IMMP2L: variants seen among roughly 807,000 people sequenced by gnomAD.
IMMP2L encodes the protein mitochondrial inner membrane protease subunit 2.
IMMP2L carries 18 observed loss-of-function variants against 19.3 expected under a neutral mutation model. That is an observed-to-expected ratio of 0.93 (90% CI 0.64 to 1.38). The LOEUF (loss-of-function observed/expected upper bound fraction) is 1.38, where lower values mean the gene tolerates loss of function less well. Ranked by LOEUF, IMMP2L falls within the 40% of genes most tolerant of loss-of-function variation. The pLI is 0.00. For missense variants in IMMP2L, 233 were observed against 218.2 expected, an observed-to-expected ratio of 1.07 and a Z score of -0.43; for synonymous variants, 76 against 73.0, an observed-to-expected ratio of 1.04 and a Z score of -0.21.
At chr7:110,997,837 T>A (rs1823205777) in intron 3 of IMMP2L, among the ~76,000 whole-genome samples, 1 of 152,112 alleles carries the variant, frequency 6.6e-6, no homozygotes, top group Admixed American at 6.6e-5. Flanking sequence ...TAAATAATGA[T>A]CAGTATGAAG....
chr7:111,199,829 C>G (rs888217888), intron 3 of IMMP2L, among the ~76,000 whole-genome samples: 1 of 152,074 alleles, frequency 6.6e-6, no homozygotes, highest in Non-Finnish European at 1.5e-5. Flanking sequence ...AAGTATGCTG[C>G]TAGACATAAA....
chr7:111,301,921 T>TAA (rs59156229), intron 3 of IMMP2L, among the ~76,000 whole-genome samples: 3,382 of 83,026 alleles, frequency 0.041, 118 homozygotes, highest in African/African-American at 0.047. Context: ...TTTCATGCTT[T>TAA]AAAAAAAAAA....
At chr7:110,761,372 T>C (rs1157279763) in intron 5 of IMMP2L, among the ~76,000 whole-genome samples, 5 of 152,146 alleles carry the variant, frequency 3.3e-5, no homozygotes, top group Non-Finnish European at 7.3e-5. Context: ...CAGAAGAATC[T>C]TGAACTCATC....
chr7:110,750,253 A>G (rs1455251982), intron 5 of IMMP2L, among the ~76,000 whole-genome samples: 6 of 130,336 alleles, frequency 4.6e-5, no homozygotes, highest in Non-Finnish European at 8.9e-5. Context: ...ACCAGCTGTA[A>G]GAGTTTTTTT....
intron 3 of IMMP2L, among the ~76,000 whole-genome samples, chr7:111,306,297 A>G (rs1015861337): frequency 6.6e-6 from 1 of 152,266 alleles, no homozygotes; most frequent in East Asian, 1.9e-4. Flanking sequence ...ATGCTAATGT[A>G]AAATGTGAAA....
chr7:111,410,814 G>C (rs1563157850), intron 3 of IMMP2L, among the ~76,000 whole-genome samples: 1 of 151,604 alleles, frequency 6.6e-6, no homozygotes, highest in Non-Finnish European at 1.5e-5. Flanking sequence ...TATCAGTGAA[G>C]CTGGAAACAT....
At chr7:111,167,753 C>G (rs1805987489) in intron 3 of IMMP2L, among the ~76,000 whole-genome samples, 1 of 151,802 alleles carries the variant, frequency 6.6e-6, no homozygotes, top group East Asian at 1.9e-4. Flanking sequence ...AAGAACACAA[C>G]AAGAGCCTGT....
At chr7:110,908,272 A>G (rs957252563) in intron 4 of IMMP2L, among the ~76,000 whole-genome samples, 1 of 152,196 alleles carries the variant, frequency 6.6e-6, no homozygotes, top group Non-Finnish European at 1.5e-5. Flanking sequence ...CAAATTATTT[A>G]TAGTTTAATA....
At chr7:111,071,348 C>T (rs1216383333) in intron 3 of IMMP2L, among the ~76,000 whole-genome samples, 1 of 152,008 alleles carries the variant, frequency 6.6e-6, no homozygotes, top group African/African-American at 2.4e-5. Context: ...AAAAGGTAAA[C>T]ATAGGATTAC....
At chr7:111,040,261 T>C (rs527750312) in intron 3 of IMMP2L, among the ~76,000 whole-genome samples, 16 of 152,318 alleles carry the variant, frequency 1.1e-4, no homozygotes, top group African/African-American at 3.8e-4. Context: ...TTGAAAAGAA[T>C]TTTAGGTTGC....
At chr7:110,670,720 AAAC>A (rs1488710440) in intron 5 of IMMP2L, among the ~76,000 whole-genome samples, 40 of 152,084 alleles carry the variant, frequency 2.6e-4, no homozygotes, top group African/African-American at 9.6e-4. Context: ...AAAACAAAAA[AAAC>A]CCCTAAACAA....
chr7:110,951,491 T>C (rs994674734), intron 4 of IMMP2L, among the ~76,000 whole-genome samples: 2 of 151,962 alleles, frequency 1.3e-5, no homozygotes, highest in Admixed American at 1.3e-4. Context: ...ATAAATTAAA[T>C]GTTCATTGTG....
Position 110,808,947 on chromosome 7 carries a change from T to A in IMMP2L, c.408+77646A>T, listed in dbSNP as rs182589544. ...AAAAGTTTAGGTTTCCTCGGAAATA[T>A]GCTGAAATGGATAAAGCTAAAATCA... is the stretch of plus-strand genomic sequence containing the variant. On this transcript the variant is annotated intron_variant, in intron 5 of 5. Transcript: ENST00000405709. 9.0e-4 allele frequency among the ~76,000 whole-genome samples: 137 copies of A among 152,208 alleles called. 1 individual carries two copies. Among genetic ancestry groups the A allele is most frequent in the African/African-American group, 3.1e-3 (127 of 41,574 alleles).
At chr7:110,814,751 A>G (rs1405132933) in intron 5 of IMMP2L, among the ~76,000 whole-genome samples, 1 of 150,322 alleles carries the variant, frequency 6.7e-6, no homozygotes, top group African/African-American at 2.4e-5. Context: ...TATGAAAGTC[A>G]TTTCTAATAA....
intron 3 of IMMP2L, among the ~76,000 whole-genome samples, chr7:111,026,825 G>A (rs1479223264): frequency 1.3e-5 from 2 of 152,148 alleles, no homozygotes; most frequent in Non-Finnish European, 2.9e-5. Flanking sequence ...AAAGGATTAA[G>A]TAGTTGTATA....
At chr7:111,008,949 T>C (rs541435476) in intron 3 of IMMP2L, among the ~76,000 whole-genome samples, 14 of 152,244 alleles carry the variant, frequency 9.2e-5, no homozygotes, top group Admixed American at 7.9e-4. Flanking sequence ...CATCTCAGTG[T>C]CAGTTATTCA....
At chr7:111,361,576 G>A (rs564745507) in intron 3 of IMMP2L, among the ~76,000 whole-genome samples, 83 of 151,968 alleles carry the variant, frequency 5.5e-4, no homozygotes, top group African/African-American at 1.9e-3. Flanking sequence ...TTGTTCTATC[G>A]AAACTCAACA....
intron 3 of IMMP2L, among the ~76,000 whole-genome samples, chr7:111,266,737 T>C (rs1243903823): frequency 1.3e-5 from 2 of 152,158 alleles, no homozygotes; most frequent in African/African-American, 2.4e-5. Flanking sequence ...TACGGCATTT[T>C]CCTGCCAGAC....
At chr7:110,666,151 A>G (rs749014285) in intron 5 of IMMP2L, among the ~76,000 whole-genome samples, 6 of 152,088 alleles carry the variant, frequency 3.9e-5, no homozygotes, top group Non-Finnish European at 8.8e-5. Context: ...ATACATCTCC[A>G]TCAGTATTTT....
Sources: gnomAD v4.1 joint callset for allele counts (sites outside exome capture counted in the v4.1 genomes callset) on GRCh38, gnomAD v4.1.1 for gene constraint, MANE v1.5 for transcripts, NCBI Gene and HGNC (gene_info 2026-07-23, HGNC 2026-07-21) for gene names.